The following SIK2 variants were observed in gnomAD, a reference collection of about 807,000 sequenced individuals.
SIK2 encodes the protein serine/threonine-protein kinase SIK2.
In SIK2, 29 loss-of-function variants were observed where a neutral mutation model predicts 103.2. The ratio of observed to expected loss-of-function variants is 0.28; its 90% CI spans 0.21 to 0.38. The LOEUF is 0.38. Ranked by LOEUF, SIK2 falls within the 10% of genes least tolerant of loss-of-function variation. The pLI, the probability that SIK2 is intolerant of heterozygous loss-of-function variation, is 1.00. For missense variants in SIK2, 879 were observed against 1,171.0 expected, an observed-to-expected ratio of 0.75 and a Z score of 3.64; for synonymous variants, 412 against 446.1, an observed-to-expected ratio of 0.92 and a Z score of 0.96.
At chr11:111,721,686 A>G in intron 12 of SIK2, 144 bp from the exon 13 acceptor site, 1 of 572,286 alleles carries the variant, frequency 1.7e-6, no homozygotes, top group Non-Finnish European at 3.1e-6. Context: ...CCCTCAGCCT[A>G]CTGGCTCTGT....
At chr11:111,605,013 A>G (rs1941630723) in intron 1 of SIK2, among the ~76,000 whole-genome samples, 1 of 144,734 alleles carries the variant, frequency 6.9e-6, no homozygotes, top group South Asian at 2.2e-4. Flanking sequence ...GGCTGGCTGG[A>G]GTGCAGTGGT....
chr11:111,719,005 T>C (rs1005572122), intron 9 of SIK2: 2 of 152,272 alleles, frequency 1.3e-5, no homozygotes, highest in Non-Finnish European at 2.9e-5. Context: ...TGCGGGGAGC[T>C]GTGCTGCGCT....
chr11:111,715,266 T>C (rs1190534523), intron 9 of SIK2, among the ~76,000 whole-genome samples: 1 of 152,226 alleles, frequency 6.6e-6, no homozygotes, highest in African/African-American at 2.4e-5. Flanking sequence ...CTTGTCCCTC[T>C]TCCCTCCCTA....
At chr11:111,643,642 C>T (rs1242399563) in intron 3 of SIK2, among the ~76,000 whole-genome samples, 1 of 151,898 alleles carries the variant, frequency 6.6e-6, no homozygotes, top group East Asian at 1.9e-4. Flanking sequence ...GAAACCCCGT[C>T]TCTACTAAAA....
At chr11:111,669,561 C>A (rs1487173619) in intron 3 of SIK2, among the ~76,000 whole-genome samples, 1 of 151,198 alleles carries the variant, frequency 6.6e-6, no homozygotes, top group Non-Finnish European at 1.5e-5. Flanking sequence ...TGAGACACCC[C>A]CCCTCCCGCC....
intron 3 of SIK2, among the ~76,000 whole-genome samples, chr11:111,640,423 GGTTCTTAAAATGTAAATATCCAGCTTT>G (rs1942165770): frequency 6.6e-6 from 1 of 151,720 alleles, no homozygotes; most frequent in Non-Finnish European, 1.5e-5. Flanking sequence ...AAATATTGGG[GGTTCTTAAAATGTAAATATCCAGCTTT>G]GTTCTTAAAA....
chr11:111,713,350 A>G (rs1943552968), intron 9 of SIK2, among the ~76,000 whole-genome samples: 1 of 152,172 alleles, frequency 6.6e-6, no homozygotes, highest in South Asian at 2.1e-4. Context: ...CATAGAAAAC[A>G]CAGGTCTTGG....
chr11:111,607,902 C>T (rs985556214), intron 1 of SIK2, among the ~76,000 whole-genome samples: 3 of 152,152 alleles, frequency 2.0e-5, no homozygotes, highest in Non-Finnish European at 4.4e-5. Flanking sequence ...CTGGGAAATA[C>T]TATCTCAGTA....
intron 3 of SIK2, among the ~76,000 whole-genome samples, chr11:111,660,839 C>CTTTTTTTT (rs57174726): frequency 2.2e-5 from 2 of 90,398 alleles, no homozygotes; most frequent in African/African-American, 4.3e-5. Flanking sequence ...GTGAAGTTGG[C>CTTTTTTTT]TTTTTTTTTT....
chr11:111,641,093 C>G (rs1272826970), intron 3 of SIK2, among the ~76,000 whole-genome samples: 1 of 152,156 alleles, frequency 6.6e-6, no homozygotes, highest in African/African-American at 2.4e-5. Context: ...CAACTTGACT[C>G]TTAGCATGCA....
chr11:111,682,750 A>G (rs1376655058), intron 3 of SIK2, among the ~76,000 whole-genome samples: 3 of 152,238 alleles, frequency 2.0e-5, no homozygotes, highest in African/African-American at 7.2e-5. Context: ...ATTTTTAAAG[A>G]TACCTGTGAA....
chr11:111,647,165 A>G (rs1319176556), intron 3 of SIK2, among the ~76,000 whole-genome samples: 1 of 152,212 alleles, frequency 6.6e-6, no homozygotes, highest in African/African-American at 2.4e-5. Context: ...AATGTATTTA[A>G]CCAATTCTTT....
intron 4 of SIK2, among the ~76,000 whole-genome samples, chr11:111,693,299 C>T (rs1336556465): frequency 2.0e-5 from 3 of 151,568 alleles, no homozygotes; most frequent in Non-Finnish European, 2.9e-5. Flanking sequence ...GTGCCACTGC[C>T]CTCCAGCCTG....
chr11:111,634,925 G>C (rs1448199150), intron 3 of SIK2, among the ~76,000 whole-genome samples: 1 of 152,210 alleles, frequency 6.6e-6, no homozygotes, highest in East Asian at 1.9e-4. Context: ...CTTCAGAAGG[G>C]TTATGCAAAT....
intron 3 of SIK2, among the ~76,000 whole-genome samples, chr11:111,659,169 G>T (rs752934543): frequency 6.6e-6 from 1 of 151,966 alleles, no homozygotes; most frequent in Non-Finnish European, 1.5e-5. Context: ...TATCATTGGA[G>T]CTATTCTTTA....
At chr11:111,636,400 A>G (rs1447695623) in intron 3 of SIK2, among the ~76,000 whole-genome samples, 1 of 152,208 alleles carries the variant, frequency 6.6e-6, no homozygotes, top group Non-Finnish European at 1.5e-5. Flanking sequence ...TTTCTATCAG[A>G]GCAATACATT....
At chr11:111,676,780 C>T (rs1271685256) in intron 3 of SIK2, among the ~76,000 whole-genome samples, 3 of 152,124 alleles carry the variant, frequency 2.0e-5, no homozygotes, top group Non-Finnish European at 4.4e-5. Flanking sequence ...AATCCTAATT[C>T]CTAAAAATTG....
chr11:111,673,033 A>C (rs931774172), intron 3 of SIK2, among the ~76,000 whole-genome samples: 1 of 152,240 alleles, frequency 6.6e-6, no homozygotes, highest in Non-Finnish European at 1.5e-5. Flanking sequence ...TTAACTGGTT[A>C]ACTACACTTG....
At position 111,705,901 on chromosome 11, in the gene SIK2, G is replaced by A. The variant is rs568408344; in HGVS notation, c.1101+762G>A. Among the ~76,000 whole-genome samples the A allele has an allele frequency of 2.6e-5, 4 of 152,140 alleles. No individual in the cohort carries two copies. The highest frequency in any genetic ancestry group is 4.4e-5 in the Non-Finnish European group (3 of 68,028). ...TGTTACAGTAGAGATGAGAAATACC[G>A]AAGGCTTAAACTCATATGGCACTGT... On this transcript the variant is annotated intron_variant, in intron 8 of 14. Coordinates refer to ENST00000304987, the MANE Select transcript of SIK2 (RefSeq NM_015191.3). The surrounding 1 kb of genome is among the most constrained non-coding windows in gnomAD (Gnocchi z 4.3).
Sources: gnomAD v4.1 joint callset for allele counts (sites outside exome capture counted in the v4.1 genomes callset) on GRCh38, gnomAD v4.1.1 for gene constraint, Gnocchi (gnomAD v3.1) non-coding constraint, MANE v1.5 for transcripts, NCBI Gene and HGNC (gene_info 2026-07-23, HGNC 2026-07-21) for gene names.